The following CACNB2 variants were observed in gnomAD, a reference collection of about 807,000 sequenced individuals.
CACNB2 encodes voltage-dependent L-type calcium channel subunit beta-2.
Under a neutral mutation model 73.3 loss-of-function variants are expected in CACNB2, and 42 were observed. That is an observed-to-expected ratio of 0.57 (90% CI 0.45 to 0.74). The LOEUF (loss-of-function observed/expected upper bound fraction) is 0.74, where lower values mean the gene tolerates loss of function less well. Ranked by LOEUF, CACNB2 falls within the 30% of genes least tolerant of loss-of-function variation. The pLI, the probability that CACNB2 is intolerant of heterozygous loss-of-function variation, is 0.00. For missense variants in CACNB2, 940 were observed against 853.0 expected, an observed-to-expected ratio of 1.10 and a Z score of -1.27; for synonymous variants, 348 against 310.3, an observed-to-expected ratio of 1.12 and a Z score of -1.28.
At chr10:18,320,508 C>T (rs1476025006) in intron 2 of CACNB2, among the ~76,000 whole-genome samples, 6 of 152,094 alleles carry the variant, frequency 3.9e-5, no homozygotes, top group Admixed American at 3.9e-4. Flanking sequence ...AAAAAAGACA[C>T]GATTATTAGA....
chr10:18,467,828 G>A (rs1363414013), intron 3 of CACNB2, among the ~76,000 whole-genome samples: 1 of 152,106 alleles, frequency 6.6e-6, no homozygotes, highest in African/African-American at 2.4e-5. Flanking sequence ...TCTTAACTAT[G>A]CTAAAGTACT....
intron 6 of CACNB2, 89 bp from the exon 7 acceptor site, chr10:18,514,147 A>G (rs2051047001): frequency 2.2e-6 from 3 of 1,389,480 alleles, no homozygotes; most frequent in Admixed American, 3.4e-5. Flanking sequence ...TTTTTTTACT[A>G]TGGTTAGTTT....
At chr10:18,265,187 G>C (rs1174875510) in intron 2 of CACNB2, among the ~76,000 whole-genome samples, 1 of 113,538 alleles carries the variant, frequency 8.8e-6, no homozygotes, top group Non-Finnish European at 1.7e-5. Flanking sequence ...GTCTCACTCT[G>C]TTGCCCAGGC....
intron 2 of CACNB2, among the ~76,000 whole-genome samples, chr10:18,331,375 G>C (rs1031078876): frequency 4.0e-5 from 6 of 151,528 alleles, no homozygotes; most frequent in African/African-American, 1.2e-4. Flanking sequence ...GATCACTTGA[G>C]CCTAGGGGTT....
At chr10:18,143,155 A>G (rs542861153) in intron 1 of CACNB2, among the ~76,000 whole-genome samples, 15 of 152,336 alleles carry the variant, frequency 9.8e-5, no homozygotes, top group African/African-American at 3.6e-4. Flanking sequence ...GGGGACTTGG[A>G]ATCTTTAGTG....
At chr10:18,359,844 T>C (rs914004326) in intron 2 of CACNB2, among the ~76,000 whole-genome samples, 2 of 152,164 alleles carry the variant, frequency 1.3e-5, no homozygotes, top group African/African-American at 4.8e-5. Flanking sequence ...TATTGTACTT[T>C]GAATTATTTT....
chr10:18,329,844 G>A (rs1402112447), intron 2 of CACNB2, among the ~76,000 whole-genome samples: 3 of 151,834 alleles, frequency 2.0e-5, no homozygotes, highest in Non-Finnish European at 4.4e-5. Context: ...TGTTTGTTTG[G>A]TTTTCTTTTT....
intron 2 of CACNB2, among the ~76,000 whole-genome samples, chr10:18,220,201 G>GTGTATGTA (rs1251166931): frequency 4.3e-5 from 1 of 23,318 alleles, no homozygotes; most frequent in Non-Finnish European, 6.5e-5. Context: ...ATATGTGTGT[G>GTGTATGTA]TATATATATA....
chr10:18,498,594 T>C, intron 4 of CACNB2, 117 bp downstream of exon 4: 1 of 970,928 alleles, frequency 1.0e-6, no homozygotes, highest in Non-Finnish European at 1.6e-6. Context: ...TGCAGTTGTA[T>C]AACACACATA....
intron 2 of CACNB2, among the ~76,000 whole-genome samples, chr10:18,286,244 C>T (rs530147998): frequency 6.6e-6 from 1 of 152,156 alleles, no homozygotes; most frequent in Non-Finnish European, 1.5e-5. Context: ...CTGCCGGGCG[C>T]AGTGGCTCAC....
rs56255761 is a variant in CACNB2 at position 18,448,479 on chromosome 10, TAAAAAAAA to T, written c.333+46451_333+46458del. ...GACAAGAGCAAAACTCTCTCTCATT[TAAAAAAAA>T]AAAAAAAAAAAAAAGAAAAGAAAAG... On this transcript the variant is annotated intron_variant, in intron 3 of 13. Coordinates refer to ENST00000324631, the MANE Select transcript of CACNB2 (RefSeq NM_201596.3). 1.3e-4 allele frequency among the ~76,000 whole-genome samples: 14 copies of T among 107,076 alleles called. 1 individual carries two copies. The highest frequency in any genetic ancestry group is 7.5e-4 in the South Asian group (2 of 2,658). 70.2% of individuals were successfully genotyped at this position (107,076 alleles called of 152,430 possible).
chr10:18,412,138 C>T (rs531229586), intron 3 of CACNB2, among the ~76,000 whole-genome samples: 1 of 152,260 alleles, frequency 6.6e-6, no homozygotes, highest in African/African-American at 2.4e-5. Context: ...ATGCTGGTCC[C>T]AGGGCTGCTT....
rs373932682 is a variant in CACNB2 at position 18,515,034 on chromosome 10, G to A, written c.804+665G>A. ...TGGAAAACTGCAGGCTTGTTTTGGC[G>A]GTTTACTGTGAGTTTTTCCTATTGT... On this transcript the variant is annotated intron_variant, in intron 7 of 13. Transcript: ENST00000324631. 77 of 1,612,690 alleles carry A rather than the reference G, an allele frequency of 4.8e-5. No homozygotes were observed. Among genetic ancestry groups the A allele is most frequent in the East Asian group, 2.5e-4 (11 of 44,860 alleles).
chr10:18,315,496 A>AT (rs2040133427), intron 2 of CACNB2, among the ~76,000 whole-genome samples: 3 of 62,864 alleles, frequency 4.8e-5, no homozygotes, highest in African/African-American at 6.9e-5. Flanking sequence ...CCTTGTCTCT[A>AT]TTTAAAAAAA....
At chr10:18,143,568 C>T (rs1032005568) in intron 1 of CACNB2, among the ~76,000 whole-genome samples, 8 of 152,172 alleles carry the variant, frequency 5.3e-5, no homozygotes, top group African/African-American at 1.9e-4. Context: ...ACTTGAATTG[C>T]GTTCATCTCA....
rs141062569 is a variant in CACNB2 at position 18,386,547 on chromosome 10, C to T, written c.214-15377C>T. ...CCTCCCAAGTAGCTGGGACTACAGG[C>T]GCCCGCCACCATGCCCTGCTAATTT... On this transcript the variant is annotated intron_variant, in intron 2 of 13. Transcript: ENST00000324631. 1.9e-4 allele frequency among the ~76,000 whole-genome samples: 29 copies of T among 151,906 alleles called. No individual in the cohort carries two copies. In the East Asian group the frequency reaches 4.7e-3, roughly 24 times the overall value.
At chr10:18,454,873 G>T (rs748232920) in intron 3 of CACNB2, among the ~76,000 whole-genome samples, 2 of 151,958 alleles carry the variant, frequency 1.3e-5, no homozygotes, top group Non-Finnish European at 2.9e-5. Context: ...ACTGCCCCCC[G>T]CTACAAAAAA....
intron 3 of CACNB2, among the ~76,000 whole-genome samples, chr10:18,479,207 A>G (rs1239234225): frequency 6.6e-6 from 1 of 152,184 alleles, no homozygotes; most frequent in Non-Finnish European, 1.5e-5. Context: ...TCTGTATTAT[A>G]TAACATATAT....
At position 18,166,723 on chromosome 10, in the gene CACNB2, A is replaced by C. The variant is rs181776583; in HGVS notation, c.213+15748A>C. Among the ~76,000 whole-genome samples the C allele has an allele frequency of 2.7e-3, 416 of 152,218 alleles. 1 individual carries two copies. The highest frequency in any genetic ancestry group is 0.014 in the Middle Eastern group (4 of 294). ...TAGAATGGAGACAGGAGAAAAGAAC[A>C]TCACACTCTGGGGACTGTTGTCGGG... On this transcript the variant is annotated intron_variant, in intron 2 of 13. Coordinates refer to ENST00000324631, the MANE Select transcript of CACNB2 (RefSeq NM_201596.3).
Sources: gnomAD v4.1 joint callset for allele counts (sites outside exome capture counted in the v4.1 genomes callset) on GRCh38, gnomAD v4.1.1 for gene constraint, MANE v1.5 for transcripts, NCBI Gene and HGNC (gene_info 2026-07-23, HGNC 2026-07-21) for gene names.